Variants in CREB3L2 observed in about 807,000 individuals in gnomAD.
CREB3L2 encodes the protein cyclic AMP-responsive element-binding protein 3-like protein 2.
A neutral mutation model predicts 57.2 loss-of-function variants in CREB3L2; 23 were observed. The ratio of observed to expected loss-of-function variants is 0.40; its 90% confidence interval spans 0.29 to 0.57. CREB3L2 has a LOEUF of 0.57. Among genes scored for constraint, CREB3L2 ranks in the 20% least tolerant of loss-of-function variants. The pLI is 0.42. For missense variants in CREB3L2, 628 were observed against 634.7 expected, an observed-to-expected ratio of 0.99 and a Z score of 0.11; for synonymous variants, 268 against 265.1, an observed-to-expected ratio of 1.01 and a Z score of -0.11.
chr7:137,993,383 A>G (rs1056267703), intron 1 of CREB3L2, among the ~76,000 whole-genome samples: 20 of 152,202 alleles, frequency 1.3e-4, no homozygotes, highest in Non-Finnish European at 1.5e-5. Context: ...GACTGTTTCA[A>G]TCACCCCACG....
rs1799251980 is a variant in CREB3L2 at position 137,879,882 on chromosome 7, A to G, written c.*594T>C. The G allele has an allele frequency of 2.5e-5, 6 of 235,438 alleles. No individual in the cohort carries two copies. The East Asian group carries it at 3.6e-4, about 14-fold the overall frequency. The allele number at this position is 235,438 out of a possible 1,614,324, so 14.6% of individuals were successfully genotyped here. A position where few individuals can be genotyped will look rare whatever the true frequency, so the allele number is the denominator to read the frequency against. On this transcript the variant is annotated 3_prime_UTR_variant, in exon 12 of 12. Transcript: ENST00000330387. ...AAAGCCTGATCCCCTCAGGCATTGC[A>G]CTTGCGGCCTGAGAATATGAACGAG...
Position 137,908,425 on chromosome 7 carries a change from G to A in CREB3L2, c.595C>T (p.His199Tyr). 7.9e-7 allele frequency: 1 copy of A among 1,264,350 alleles called. No homozygotes were observed. The highest frequency in any genetic ancestry group is 1.0e-6 in the Non-Finnish European group (1 of 997,008). The allele number at this position is 1,264,350 out of a possible 1,614,324, so 78.3% of individuals were successfully genotyped here. ...NFSPKEAPVDHLHLPPTPPSS... is the reference protein window; with the variant it reads ...NFSPKEAPVDYLHLPPTPPSS... ...GGAGGGGTGGGCGGCAAATGCAGGT[G>A]GTCCACTGGGGCTGCAAAAAAGGAA... Residue 199 changes from histidine to tyrosine, a missense_variant, in exon 5 of 12, where the codon CAC becomes TAC. Around this residue, in one of 3 missense-constraint regions of CREB3L2, gnomAD observed 339 missense variants for 355.4 expected, o/e 0.95. Coordinates refer to ENST00000330387, the MANE Select transcript of CREB3L2 (RefSeq NM_194071.4).
chr7:137,891,598 G>A (rs1436519801), intron 8 of CREB3L2, among the ~76,000 whole-genome samples: 9 of 150,798 alleles, frequency 6.0e-5, no homozygotes, highest in Admixed American at 4.0e-4. Flanking sequence ...TTTTTGAGAC[G>A]GAGTTTCACT....
At chr7:137,903,856 T>A in intron 7 of CREB3L2, 103 bp downstream of exon 7, 1 of 973,584 alleles carries the variant, frequency 1.0e-6, no homozygotes, top group South Asian at 1.4e-5. Flanking sequence ...GTTTCCAAGG[T>A]GGCCAGAAAG....
Position 137,970,580 on chromosome 7 carries a change from C to T in CREB3L2, c.102+31024G>A, listed in dbSNP as rs533907724. On this transcript the variant is annotated intron_variant, in intron 1 of 11. Transcript: ENST00000330387. ...AATGGGTCTTCTTCGATAAGCCGGA[C>T]AGTTCACAGAAGGGGGTGGGTGGGG... is the stretch of plus-strand genomic sequence containing the variant. Among the ~76,000 whole-genome samples the T allele has an allele frequency of 3.5e-3, 389 of 111,840 alleles. 4 individuals carry two copies. The highest frequency in any genetic ancestry group is 0.018 in the Middle Eastern group (2 of 112). The allele number at this position is 111,840 out of a possible 152,430, so 73.4% of individuals were successfully genotyped here. A position where few individuals can be genotyped will look rare whatever the true frequency, so the allele number is the denominator to read the frequency against.
chr7:137,897,798 A>C (rs2117193581), intron 8 of CREB3L2, among the ~76,000 whole-genome samples: 1 of 152,382 alleles, frequency 6.6e-6, no homozygotes, highest in East Asian at 1.9e-4. Flanking sequence ...AGATATTCCA[A>C]AACATAAAGA....
chr7:137,934,030 G>T (rs1267938936), intron 1 of CREB3L2: 1 of 152,192 alleles, frequency 6.6e-6, no homozygotes, highest in African/African-American at 2.4e-5. Flanking sequence ...TGAACCCAAG[G>T]GTTATGGGAT....
rs756198124 is a variant in CREB3L2, at chr7:137,882,546, C to T, written c.1353G>A (p.Gly451=). The change falls in exon 11 of 12, where the codon GGG becomes GGA. Residue 451 remains glycine (G), a synonymous_variant. Transcript: ENST00000330387. ...SSSPGSAGEL[G]GWDRGSSLLR... is the part of the protein sequence containing the mutation. ...GCAGGGAGGAACCTCTATCCCAGCC[C>T]CCCAGCTCCCCAGCCGAGCCCGGGC... 5 of 1,613,800 alleles carry T rather than the reference C, an allele frequency of 3.1e-6. No individual in the cohort carries two copies. Among genetic ancestry groups the T allele is most frequent in the Non-Finnish European group, 4.2e-6 (5 of 1,179,728 alleles).
rs768717649 is a variant in CREB3L2, at chr7:138,001,307, G to C, written c.102+297C>G. Among the ~76,000 whole-genome samples the C allele has an allele frequency of 6.6e-6, 1 of 152,024 alleles. No homozygotes were observed. Among genetic ancestry groups the C allele is most frequent in the South Asian group, 2.1e-4 (1 of 4,830 alleles). ...TCTCAAAACACACACTCCCTCTCCC[G>C]CATTACAGTACTGTTAACAACAGCA... On this transcript the variant is annotated intron_variant, in intron 1 of 11. Transcript: ENST00000330387. This position sits in a 1 kb window ranked among gnomAD's most constrained non-coding sequence, Gnocchi z 4.2.
chr7:138,001,836 A>C lies in CREB3L2; in HGVS notation c.-131T>G. 1.7e-6 allele frequency: 1 copy of C among 589,844 alleles called. No individual in the cohort carries two copies. The highest frequency in any genetic ancestry group is 2.8e-6 in the Non-Finnish European group (1 of 358,126). The allele number at this position is 589,844 out of a possible 1,614,324, so 36.5% of individuals were successfully genotyped here. On this transcript the variant is annotated 5_prime_UTR_variant, in exon 1 of 12. Transcript: ENST00000330387. The surrounding 1 kb of genome is among the most constrained non-coding windows in gnomAD (Gnocchi z 4.2). ...TGCGCGCGCGTGTCTGTAGTTTTGC[A>C]CTTGGAAAGCAAACGTCTGCTCCTC...
At chr7:137,983,860 T>G (rs895148467) in intron 1 of CREB3L2, among the ~76,000 whole-genome samples, 1 of 152,160 alleles carries the variant, frequency 6.6e-6, no homozygotes, top group Non-Finnish European at 1.5e-5. Context: ...GGCCCAGTCA[T>G]TATTGTTGGC....
intron 8 of CREB3L2, among the ~76,000 whole-genome samples, chr7:137,900,054 A>G (rs562618032): frequency 4.3e-4 from 66 of 152,336 alleles, no homozygotes; most frequent in African/African-American, 1.6e-3. Context: ...GGAGTCTCTA[A>G]GAAATAATTG....
intron 1 of CREB3L2, among the ~76,000 whole-genome samples, chr7:137,985,469 G>C (rs1027529294): frequency 6.6e-6 from 1 of 152,170 alleles, no homozygotes; most frequent in East Asian, 1.9e-4. Context: ...GAGCGCTTCA[G>C]CTTGTCCCTG....
rs907841140 is a variant in CREB3L2 at position 137,879,065 on chromosome 7, C to T, written c.*1411G>A. On this transcript the variant is annotated 3_prime_UTR_variant, in exon 12 of 12. Transcript: ENST00000330387. ...AAATCTTTCCCAAGCTCGGAAAAAA[C>T]ACTTGAGGGTTTTCTACATTACACA... 6.9e-6 allele frequency: 3 copies of T among 432,704 alleles called. No homozygotes were observed. The highest frequency in any genetic ancestry group is 2.1e-5 in the South Asian group (1 of 47,018). 26.8% of individuals were successfully genotyped at this position (432,704 alleles called of 1,614,324 possible).
At chr7:137,896,889 C>T (rs1453245647) in intron 8 of CREB3L2, among the ~76,000 whole-genome samples, 1 of 152,142 alleles carries the variant, frequency 6.6e-6, no homozygotes, top group Non-Finnish European at 1.5e-5. Flanking sequence ...TATGGTATCA[C>T]TTACATCTAA....
At chr7:137,952,486 C>T in intron 1 of CREB3L2, among the ~76,000 whole-genome samples, 1 of 152,158 alleles carries the variant, frequency 6.6e-6, no homozygotes, top group Admixed American at 6.5e-5. Flanking sequence ...GCCACAGGTC[C>T]CATTTTGTCA....
chr7:137,990,622 G>C (rs1440705147), intron 1 of CREB3L2, among the ~76,000 whole-genome samples: 1 of 152,184 alleles, frequency 6.6e-6, no homozygotes, highest in African/African-American at 2.4e-5. Context: ...CGAGGGGAAG[G>C]AAGGAGTTAA....
At chr7:137,996,559 C>A (rs1260235649) in intron 1 of CREB3L2, among the ~76,000 whole-genome samples, 1 of 152,230 alleles carries the variant, frequency 6.6e-6, no homozygotes, top group African/African-American at 2.4e-5. Flanking sequence ...GAACATCAAA[C>A]CAAAAGCTTC....
intron 1 of CREB3L2, among the ~76,000 whole-genome samples, chr7:137,966,239 T>A (rs1013257220): frequency 6.6e-6 from 1 of 152,238 alleles, no homozygotes; most frequent in Non-Finnish European, 1.5e-5. Context: ...CTTCTTAAAT[T>A]ATATCCCACT....
Sources: gnomAD v4.1 joint callset for allele counts (sites outside exome capture counted in the v4.1 genomes callset) on GRCh38, gnomAD v4.1.1 for gene constraint, gnomAD v4.1.1 regional missense constraint, Gnocchi (gnomAD v3.1) non-coding constraint, MANE v1.5 for transcripts, NCBI Gene and HGNC (gene_info 2026-07-23, HGNC 2026-07-21) for gene names.